The following CRB1 variants were observed in gnomAD, a reference collection of about 807,000 sequenced individuals.
CRB1 encodes the protein protein crumbs homolog 1.
CRB1 carries 83 observed loss-of-function variants against 120.0 expected under a neutral mutation model. That is an observed-to-expected ratio of 0.69 (90% CI 0.58 to 0.83). The LOEUF (loss-of-function observed/expected upper bound fraction) is 0.83, where lower values mean the gene tolerates loss of function less well. CRB1 is among the 40% of genes least tolerant of loss of function. The pLI, the probability that CRB1 is intolerant of heterozygous loss-of-function variation, is 0.00. For synonymous variants in CRB1, 625 were observed against 612.5 expected, an observed-to-expected ratio of 1.02 and a Z score of -0.30; for missense variants, 1,699 against 1,687.6, an observed-to-expected ratio of 1.01 and a Z score of -0.12.
chr1:197,384,343 C>G (rs1662106636), intron 5 of CRB1, among the ~76,000 whole-genome samples: 1 of 152,128 alleles, frequency 6.6e-6, no homozygotes, highest in African/African-American at 2.4e-5. Context: ...GTGCTATTAC[C>G]TGGAAAGAAT....
At chr1:197,310,473 A>G (rs971798237) in intron 1 of CRB1, among the ~76,000 whole-genome samples, 1 of 152,206 alleles carries the variant, frequency 6.6e-6, no homozygotes, top group African/African-American at 2.4e-5. Flanking sequence ...AATAGGGAAA[A>G]GGAACGTCAA....
chr1:197,316,047 T>G lies in CRB1; in HGVS notation c.71-12375T>G, dbSNP rs774679359. On this transcript the variant is annotated intron_variant, in intron 1 of 11. Coordinates refer to ENST00000367400, the MANE Select transcript of CRB1 (RefSeq NM_201253.3). ...TGCATCATTGCTACAGGTTTTGGTT[T>G]AAGAAGTAACCCTAGATATATCTTA... 2.0e-5 allele frequency among the ~76,000 whole-genome samples: 3 copies of G among 152,172 alleles called. No homozygotes were observed. In the South Asian group the frequency reaches 6.2e-4, roughly 32 times the overall value.
intron 5 of CRB1, among the ~76,000 whole-genome samples, chr1:197,376,142 A>G (rs1661634977): frequency 6.6e-6 from 1 of 152,086 alleles, no homozygotes; most frequent in South Asian, 2.1e-4. Context: ...TCTAGACTCT[A>G]AATGCTGGAG....
the CRB1 span, among the ~76,000 whole-genome samples, chr1:197,227,393 CTTTTT>C: frequency 7.2e-6 from 1 of 138,124 alleles, no homozygotes; most frequent in Admixed American, 7.3e-5. Flanking sequence ...TTTTCTTTTT[CTTTTT>C]TTTTTTTTTT....
At chr1:197,394,871 A>T (rs1662694830) in intron 5 of CRB1, among the ~76,000 whole-genome samples, 1 of 152,108 alleles carries the variant, frequency 6.6e-6, no homozygotes, top group Non-Finnish European at 1.5e-5. Flanking sequence ...AAGAGCAAGC[A>T]TATTAGGTTG....
chr1:197,228,289 T>C, the CRB1 span, among the ~76,000 whole-genome samples: 2 of 152,226 alleles, frequency 1.3e-5, no homozygotes, highest in African/African-American at 2.4e-5. Context: ...TTTTCTGAAC[T>C]TTTATGCTCT....
chr1:197,370,958 T>C (rs1661338646), intron 5 of CRB1, among the ~76,000 whole-genome samples: 1 of 152,216 alleles, frequency 6.6e-6, no homozygotes, highest in Admixed American at 6.5e-5. Context: ...GCCCACTTCT[T>C]TGGTCATAAC....
chr1:197,202,245 G>A, the CRB1 span, among the ~76,000 whole-genome samples: 3 of 152,250 alleles, frequency 2.0e-5, no homozygotes, highest in East Asian at 5.8e-4. Flanking sequence ...GCAAACAGGA[G>A]GAGGCTATGA....
chr1:197,255,994 T>TACAC, the CRB1 span, among the ~76,000 whole-genome samples: 2 of 133,882 alleles, frequency 1.5e-5, no homozygotes, highest in African/African-American at 5.8e-5. Flanking sequence ...TATATATATA[T>TACAC]ATACACTACA....
intron 5 of CRB1, among the ~76,000 whole-genome samples, chr1:197,368,547 A>G (rs1487954322): frequency 1.3e-5 from 2 of 152,204 alleles, no homozygotes; most frequent in African/African-American, 4.8e-5. Context: ...CTTACTGCCT[A>G]TTATTTAGAA....
chr1:197,237,425 G>A, the CRB1 span, among the ~76,000 whole-genome samples: 11 of 152,106 alleles, frequency 7.2e-5, no homozygotes, highest in Non-Finnish European at 1.3e-4. Flanking sequence ...GGGGCAAGGC[G>A]GCTCCCTTCA....
At chr1:197,405,931 C>A (rs1294781984) in intron 5 of CRB1, among the ~76,000 whole-genome samples, 2 of 151,412 alleles carry the variant, frequency 1.3e-5, no homozygotes, top group African/African-American at 4.9e-5. Context: ...CCAGGCCAGC[C>A]GTCCCGTCCG....
At chr1:197,357,945 A>G (rs1660577208) in intron 5 of CRB1, 1 of 152,204 alleles carries the variant, frequency 6.6e-6, no homozygotes, top group African/African-American at 2.4e-5. Context: ...CCAGGTGTCA[A>G]TATCAGGAAA....
chr1:197,355,595 C>A (rs1028798409), intron 4 of CRB1, among the ~76,000 whole-genome samples: 1 of 152,304 alleles, frequency 6.6e-6, no homozygotes, highest in African/African-American at 2.4e-5. Context: ...GGTGTGCTGG[C>A]ACTGCTGGGG....
chr1:197,344,195 T>C (rs1319614395), intron 2 of CRB1, 86 bp from the exon 3 acceptor site: 1 of 1,256,858 alleles, frequency 8.0e-7, no homozygotes, highest in Non-Finnish European at 1.2e-6. Context: ...ACAAGTGCTC[T>C]GGTAAACAAA....
chr1:197,246,988 A>G, the CRB1 span, among the ~76,000 whole-genome samples: 18 of 152,072 alleles, frequency 1.2e-4, no homozygotes, highest in African/African-American at 3.4e-4. Context: ...GTATAAATTC[A>G]GATAGACTGT....
chr1:197,265,887 C>A (rs1654619982), upstream of CRB1, among the ~76,000 whole-genome samples: 1 of 152,122 alleles, frequency 6.6e-6, no homozygotes, highest in Admixed American at 6.6e-5. Flanking sequence ...AACATTGCTA[C>A]ATTGCTGCTA....
chr1:197,270,212 A>C (rs935790588), intron 1 of CRB1, among the ~76,000 whole-genome samples: 3 of 152,332 alleles, frequency 2.0e-5, no homozygotes, highest in Admixed American at 6.5e-5. Context: ...AAAATTGCTA[A>C]CATTGTGTTA....
rs539354565 is a variant in CRB1, at chr1:197,405,519, G to C, written c.1172-15481G>C. Among the ~76,000 whole-genome samples the C allele has an allele frequency of 6.5e-3, 982 of 152,000 alleles. 8 individuals carry two copies. The highest frequency in any genetic ancestry group is 0.011 in the Non-Finnish European group (724 of 67,970). ...CCACCCCGTCTGGGAAGTGAGGAGC[G>C]TCTCTGCCTGGCCGCCCATCGTCTG... On this transcript the variant is annotated intron_variant, in intron 5 of 11. Coordinates refer to ENST00000367400, the MANE Select transcript of CRB1 (RefSeq NM_201253.3).
Sources: allele counts gnomAD v4.1 joint callset (sites outside exome capture counted in the v4.1 genomes callset), GRCh38; gene constraint gnomAD v4.1.1; transcripts MANE v1.5; gene names NCBI Gene and HGNC (gene_info 2026-07-23, HGNC 2026-07-21).